Variants in KIAA1549 observed in about 807,000 individuals in gnomAD.
The protein encoded by KIAA1549 is KIAA1549, also known as UPF0606 protein KIAA1549.
KIAA1549 carries 70 observed loss-of-function variants against 156.4 expected under a neutral mutation model. That is an observed-to-expected ratio of 0.45 (90% confidence interval 0.37 to 0.55). The LOEUF is 0.55. Among genes scored for constraint, KIAA1549 ranks in the 20% least tolerant of loss-of-function variants. The probability of loss-of-function intolerance (pLI) is 0.00; values close to 1 mark genes in which losing one functional copy is unlikely to be tolerated. For missense variants in KIAA1549, 2,428 were observed against 2,540.9 expected (o/e 0.96, Z 0.96); for synonymous variants, 1,103 against 1,066.4 (o/e 1.03, Z -0.67).
chr7:138,869,324 A>G (rs1810850589), intron 14 of KIAA1549, among the ~76,000 whole-genome samples: 1 of 152,358 alleles, frequency 6.6e-6, no homozygotes. Context: ...TCCCACACTA[A>G]GGTGACCCTC....
chr7:138,915,242 T>C (rs997562834), intron 2 of KIAA1549, among the ~76,000 whole-genome samples: 3 of 152,164 alleles, frequency 2.0e-5, no homozygotes, highest in African/African-American at 7.2e-5. Flanking sequence ...CCGTCTCTGA[T>C]TATCCCAAAT....
rs568706447 is a variant in KIAA1549, at chr7:138,899,007, G to C, written c.3795C>G (p.Leu1265=). 5.6e-5 allele frequency: 90 copies of C among 1,613,708 alleles called. 1 individual carries two copies. The Middle Eastern group carries it at 6.6e-4, about 12-fold the overall frequency. Residue 1265 remains leucine (L), a synonymous_variant, in exon 9 of 20, where the codon CTC becomes CTG. Transcript: ENST00000422774. ...KSSDLINKMD[L]QRAAIILGYR... is the part of the protein sequence containing the mutation. ...AACCCAAGATGATGGCTGCTCTCTG[G>C]AGGTCCATTTTGTTAATCAGGTCCG...
chr7:138,856,036 A>ATT (rs57818656), intron 16 of KIAA1549, among the ~76,000 whole-genome samples: 3,613 of 141,778 alleles, frequency 0.025, 165 homozygotes, highest in African/African-American at 0.089. Flanking sequence ...TATTTATTTT[A>ATT]TTTTTTTTTT....
At chr7:138,962,443 C>T (rs1258833663) in intron 1 of KIAA1549, among the ~76,000 whole-genome samples, 2 of 152,202 alleles carry the variant, frequency 1.3e-5, no homozygotes, top group Non-Finnish European at 2.9e-5. Context: ...TTGTGATTTT[C>T]TCTGACCAGC....
chr7:138,966,150 C>T (rs979233206), intron 1 of KIAA1549, among the ~76,000 whole-genome samples: 1 of 152,106 alleles, frequency 6.6e-6, no homozygotes, highest in Non-Finnish European at 1.5e-5. Context: ...GAAGTCCTAA[C>T]CCTAGAACCT....
intron 1 of KIAA1549, among the ~76,000 whole-genome samples, chr7:138,945,914 A>C (rs565356284): frequency 6.6e-6 from 1 of 152,280 alleles, no homozygotes; most frequent in East Asian, 1.9e-4. Flanking sequence ...TAACAGGATG[A>C]GAACCCCTAT....
chr7:138,879,642 G>A lies in KIAA1549; in HGVS notation c.4241C>T (p.Ser1414Leu). The part of the protein sequence containing the change: ...NVRHRGRVSP[S>L]DADSTVSEES... Reference sequence around the variant, plus strand: ...TTCACTGACCGTAGAGTCAGCATCTGAGGGAGAAACTCTGCAGACACAAAA... The same window carrying A: ...TTCACTGACCGTAGAGTCAGCATCTAAGGGAGAAACTCTGCAGACACAAAA... The change falls in exon 12 of 20, where the codon TCA (serine) becomes TTA (leucine). Residue 1414 changes from serine (S) to leucine (L), a missense_variant. Physicochemically the swap from Ser to Leu is moderately radical, Grantham distance 145. Around this residue, in one of 5 missense-constraint regions of KIAA1549, gnomAD observed 404 missense variants for 417.0 expected, o/e 0.97. Transcript: ENST00000422774. 6.5e-7 allele frequency: 1 copy of A among 1,543,580 alleles called. No homozygotes were observed. The highest frequency in any genetic ancestry group is 8.7e-7 in the Non-Finnish European group (1 of 1,143,568).
chr7:138,890,777 G>A (rs935310847), intron 10 of KIAA1549, among the ~76,000 whole-genome samples: 20 of 152,240 alleles, frequency 1.3e-4, no homozygotes, highest in Admixed American at 4.6e-4. Flanking sequence ...CAAAGGGATC[G>A]TTCCAAAAGC....
At chr7:138,972,481 T>C (rs909679224) in intron 1 of KIAA1549, among the ~76,000 whole-genome samples, 8 of 151,428 alleles carry the variant, frequency 5.3e-5, no homozygotes, top group African/African-American at 1.5e-4. Flanking sequence ...AGACCACCTC[T>C]TGCCAGCTCC....
chr7:138,838,740 C>T (rs1295599382), intron 19 of KIAA1549, among the ~76,000 whole-genome samples: 1 of 152,024 alleles, frequency 6.6e-6, no homozygotes, highest in Non-Finnish European at 1.5e-5. Context: ...CTTAAATCTG[C>T]GTACTAAAAA....
chr7:138,912,524 C>A (rs1275547824), intron 2 of KIAA1549, 64 bp from the exon 3 acceptor site: 15 of 1,348,192 alleles, frequency 1.1e-5, no homozygotes, highest in Admixed American at 5.1e-5. Flanking sequence ...ACACACCAGA[C>A]TTCTGGACCC....
chr7:138,919,420 T>A lies in KIAA1549; in HGVS notation c.206A>T (p.Gln69Leu). The change falls in exon 2 of 20, where the codon CAG (glutamine) becomes CTG (leucine). Residue 69 changes from glutamine to leucine, a missense_variant. Physicochemically the swap from Gln to Leu is moderately radical, Grantham distance 113. Around this residue, in one of 5 missense-constraint regions of KIAA1549, gnomAD observed 893 missense variants for 847.9 expected, o/e 1.05. Coordinates refer to ENST00000422774, the MANE Select transcript of KIAA1549 (RefSeq NM_001164665.2). ...CATGGAGTATAAAGAAAGGTTGTGC[T>A]GTTCCGGAGAGAGCTCATCTATCAA... ...SCAPDELSPEQHNLSLYSMEL... is the reference protein window; with the variant it reads ...SCAPDELSPELHNLSLYSMEL... 8.1e-6 allele frequency: 13 copies of A among 1,613,754 alleles called. No individual in the cohort carries two copies. Among genetic ancestry groups the A allele is most frequent in the Non-Finnish European group, 1.1e-5 (13 of 1,179,710 alleles).
At chr7:138,892,563 C>G (rs1035919788) in intron 10 of KIAA1549, among the ~76,000 whole-genome samples, 1 of 152,148 alleles carries the variant, frequency 6.6e-6, no homozygotes, top group Non-Finnish European at 1.5e-5. Context: ...ACAAAAGAAC[C>G]TTAGCAGACT....
Position 138,871,090 on chromosome 7 carries a change from T to C in KIAA1549, c.4551+67A>G. On this transcript the variant is annotated intron_variant, in intron 13 of 19. Coordinates refer to ENST00000422774, the MANE Select transcript of KIAA1549 (RefSeq NM_001164665.2). ...CCTTGGCCCCCCCAAGTGCTGGGAT[T>C]ACAGGCATAAGCCACCGGGCTTAGC... 1.2e-5 allele frequency: 18 copies of C among 1,476,618 alleles called. No homozygotes were observed. In the South Asian group the frequency reaches 2.2e-4, roughly 18 times the overall value. The allele number at this position is 1,476,618 out of a possible 1,614,324, so 91.5% of individuals were successfully genotyped here.
chr7:138,932,497 A>G (rs1209591767), intron 1 of KIAA1549, among the ~76,000 whole-genome samples: 1 of 152,250 alleles, frequency 6.6e-6, no homozygotes, highest in Non-Finnish European at 1.5e-5. Flanking sequence ...GACACTGAGC[A>G]AATGCAGTGA....
intron 11 of KIAA1549, 94 bp from the exon 12 acceptor site, chr7:138,879,747 G>T: frequency 1.3e-6 from 1 of 763,220 alleles, no homozygotes; most frequent in Non-Finnish European, 2.1e-6. Context: ...AGGCTTCCAG[G>T]CAAAACCAGC....
rs1554418664 is a variant in KIAA1549, at chr7:138,903,860, C to CAT, written c.3521-125_3521-124insAT. 1.4e-4 allele frequency: 89 copies of CAT among 628,394 alleles called. 4 individuals are homozygous for CAT. The highest frequency in any genetic ancestry group is 2.1e-4 in the Non-Finnish European group (83 of 389,334). 38.9% of individuals were successfully genotyped at this position (628,394 alleles called of 1,614,324 possible). A position where few individuals can be genotyped will look rare whatever the true frequency, so the allele number is the denominator to read the frequency against. Reference sequence around the variant, plus strand: ...GTGTGTGTGTGTGTGTGTGCGCGCGCGCGCGCGCGCACATATGTATTTGAA... The same window carrying CAT: ...GTGTGTGTGTGTGTGTGTGCGCGCGCATGCGCGCGCGCACATATGTATTTGAA... On this transcript the variant is annotated intron_variant, in intron 7 of 19. Coordinates refer to ENST00000422774, the MANE Select transcript of KIAA1549 (RefSeq NM_001164665.2).
intron 12 of KIAA1549, among the ~76,000 whole-genome samples, chr7:138,878,662 T>C (rs1245864702): frequency 1.3e-5 from 2 of 151,836 alleles, no homozygotes; most frequent in Non-Finnish European, 2.9e-5. Context: ...CTAAGGAGAC[T>C]GAGGTGGGAG....
chr7:138,938,052 T>G (rs1182871548), intron 1 of KIAA1549, among the ~76,000 whole-genome samples: 3 of 152,012 alleles, frequency 2.0e-5, no homozygotes, highest in Non-Finnish European at 4.4e-5. Context: ...GTGATGGTAT[T>G]AAGAGGTAGG....
Sources: allele counts gnomAD v4.1 joint callset (sites outside exome capture counted in the v4.1 genomes callset), GRCh38; gene constraint gnomAD v4.1.1; regional missense constraint gnomAD v4.1.1; transcripts MANE v1.5; gene names NCBI Gene and HGNC (gene_info 2026-07-23, HGNC 2026-07-21).